Variants in TRAPPC9 observed in about 807,000 individuals in gnomAD.
TRAPPC9 encodes IKK2 binding protein.
In TRAPPC9, 83 loss-of-function variants were observed where a neutral mutation model predicts 124.0. That is an observed-to-expected ratio of 0.67 (90% CI 0.56 to 0.80). The LOEUF (loss-of-function observed/expected upper bound fraction) is 0.80, where lower values mean the gene tolerates loss of function less well. Among genes scored for constraint, TRAPPC9 ranks in the 30% least tolerant of loss-of-function variants. TRAPPC9 has a pLI of 0.00. For missense variants in TRAPPC9, 1,302 were observed against 1,508.3 expected (o/e 0.86, Z 2.27); for synonymous variants, 638 against 617.5 (o/e 1.03, Z -0.49).
At chr8:140,264,339 C>T (rs991908716) in intron 15 of TRAPPC9, among the ~76,000 whole-genome samples, 1 of 152,156 alleles carries the variant, frequency 6.6e-6, no homozygotes, top group Non-Finnish European at 1.5e-5. Flanking sequence ...CAGGTGCTCC[C>T]CATGGCCTCC....
chr8:140,123,552 C>A (rs2061027167), intron 17 of TRAPPC9, among the ~76,000 whole-genome samples: 2 of 152,206 alleles, frequency 1.3e-5, no homozygotes, highest in South Asian at 2.1e-4. Context: ...TGCTTCCTCT[C>A]CAGCCACGAG....
chr8:140,127,545 A>G (rs1279320193), intron 17 of TRAPPC9, among the ~76,000 whole-genome samples: 1 of 152,216 alleles, frequency 6.6e-6, no homozygotes, highest in African/African-American at 2.4e-5. Flanking sequence ...GGCCCTCAGG[A>G]AATATCCACG....
chr8:140,068,694 C>T (rs1393001005), intron 17 of TRAPPC9, among the ~76,000 whole-genome samples: 1 of 152,124 alleles, frequency 6.6e-6, no homozygotes, highest in Admixed American at 6.5e-5. Flanking sequence ...ATTTTGCAGG[C>T]CACAATCAAA....
chr8:140,259,111 G>A (rs933531649), intron 15 of TRAPPC9, among the ~76,000 whole-genome samples: 1 of 152,228 alleles, frequency 6.6e-6, no homozygotes, highest in Non-Finnish European at 1.5e-5. Flanking sequence ...TGGGCACCCA[G>A]GAATCCCCTC....
In TRAPPC9 at chr8:140,104,953, C is replaced by T. The variant is rs1162168378; in HGVS notation, c.2557-80874G>A. Among the ~76,000 whole-genome samples, 4 of 152,216 alleles carry T rather than the reference C, an allele frequency of 2.6e-5. No individual in the cohort carries two copies. Among genetic ancestry groups the T allele is most frequent in the Non-Finnish European group, 4.4e-5 (3 of 68,030 alleles). ...CCTGGGCCTGTCATCCATGCTGCAT[C>T]GTGGCAGGGTCCCACTCAGCAGCAG... On this transcript the variant is annotated intron_variant, in intron 17 of 22. Transcript: ENST00000438773. This position sits in a 1 kb window ranked among gnomAD's most constrained non-coding sequence, Gnocchi z 4.0.
chr8:140,445,254 A>C (rs750426687), intron 2 of TRAPPC9, among the ~76,000 whole-genome samples: 1 of 152,146 alleles, frequency 6.6e-6, no homozygotes, highest in Non-Finnish European at 1.5e-5. Flanking sequence ...CTCTGTCTCT[A>C]AAGTATATCA....
chr8:140,085,267 C>T (rs749409784), intron 17 of TRAPPC9, among the ~76,000 whole-genome samples: 2 of 151,496 alleles, frequency 1.3e-5, no homozygotes, highest in Non-Finnish European at 2.9e-5. Context: ...AGCAGGACTA[C>T]ACCACTTGCC....
At chr8:139,758,037 G>A (rs147336419) in intron 21 of TRAPPC9, among the ~76,000 whole-genome samples, 137 of 152,316 alleles carry the variant, frequency 9.0e-4, no homozygotes, top group African/African-American at 3.0e-3. Context: ...CCTGGGCCTC[G>A]TGGAGGCCTT....
chr8:140,171,153 T>C (rs73362964), intron 17 of TRAPPC9, among the ~76,000 whole-genome samples: 8,367 of 152,250 alleles, frequency 0.055, 800 homozygotes, highest in African/African-American at 0.19. Context: ...CTTCTGAATA[T>C]ACCACTTAGA....
intron 21 of TRAPPC9, among the ~76,000 whole-genome samples, chr8:139,786,305 G>A (rs1387345025): frequency 6.6e-6 from 1 of 152,160 alleles, no homozygotes; most frequent in Non-Finnish European, 1.5e-5. Context: ...AGCATATAAG[G>A]TACTTAACAC....
rs1842736493 is a variant in TRAPPC9, at chr8:140,063,358, C to T, written c.2557-39279G>A. Among the ~76,000 whole-genome samples the T allele has an allele frequency of 6.6e-6, 1 of 152,218 alleles. No homozygotes were observed. The highest frequency in any genetic ancestry group is 1.5e-5 in the Non-Finnish European group (1 of 68,040). On this transcript the variant is annotated intron_variant, in intron 17 of 22. Transcript: ENST00000438773. The surrounding 1 kb of genome is among the most constrained non-coding windows in gnomAD (Gnocchi z 4.3). ...CACGTCACCACGCAGTCAATTCTCA[C>T]GTACCTTTCACGAGCCAGGTAACAC... is the stretch of plus-strand genomic sequence containing the variant.
At chr8:140,058,028 A>C (rs1285601854) in intron 17 of TRAPPC9, among the ~76,000 whole-genome samples, 3 of 152,190 alleles carry the variant, frequency 2.0e-5, no homozygotes, top group African/African-American at 4.8e-5. Context: ...TGTTTTTCTA[A>C]GCGCATTGCA....
chr8:139,804,709 A>C (rs1586883177), intron 21 of TRAPPC9, among the ~76,000 whole-genome samples: 1 of 109,060 alleles, frequency 9.2e-6, no homozygotes, highest in East Asian at 3.0e-4. Flanking sequence ...CACCACCACC[A>C]CCCACCACCG....
intron 21 of TRAPPC9, among the ~76,000 whole-genome samples, chr8:139,880,427 T>C (rs1829608092): frequency 6.6e-6 from 1 of 152,228 alleles, no homozygotes; most frequent in South Asian, 2.1e-4. Flanking sequence ...TGCTACCCAG[T>C]TCAGCTCCCA....
chr8:140,455,163 C>T (rs1247539712), intron 1 of TRAPPC9, among the ~76,000 whole-genome samples: 2 of 152,106 alleles, frequency 1.3e-5, no homozygotes, highest in African/African-American at 2.4e-5. Context: ...GATGGAGTTT[C>T]GCTCTGTCAC....
chr8:140,268,881 C>T (rs1050178313), intron 15 of TRAPPC9, among the ~76,000 whole-genome samples: 4 of 152,152 alleles, frequency 2.6e-5, no homozygotes, highest in Non-Finnish European at 4.4e-5. Flanking sequence ...AAAGCATCTC[C>T]CTTGGAATTC....
intron 6 of TRAPPC9, among the ~76,000 whole-genome samples, chr8:140,400,833 C>T (rs1488425834): frequency 6.6e-6 from 1 of 152,132 alleles, no homozygotes; most frequent in Non-Finnish European, 1.5e-5. Context: ...GGATCTCCTT[C>T]CTTCCCTCCA....
chr8:139,894,919 G>T (rs968732506), intron 20 of TRAPPC9, among the ~76,000 whole-genome samples: 3 of 152,188 alleles, frequency 2.0e-5, no homozygotes, highest in African/African-American at 4.8e-5. Flanking sequence ...GTGGAAGGGG[G>T]AAGGGAAGAC....
chr8:139,988,903 C>T (rs1018614385), intron 18 of TRAPPC9, 67 bp from the exon 19 acceptor site: 56 of 1,138,078 alleles, frequency 4.9e-5, no homozygotes, highest in Non-Finnish European at 6.8e-5. Flanking sequence ...TTCCCTTTTT[C>T]TCCTCTCCAA....
Sources: gnomAD v4.1 joint callset for allele counts (sites outside exome capture counted in the v4.1 genomes callset) on GRCh38, gnomAD v4.1.1 for gene constraint, Gnocchi (gnomAD v3.1) non-coding constraint, MANE v1.5 for transcripts, NCBI Gene and HGNC (gene_info 2026-07-23, HGNC 2026-07-21) for gene names.